EPB41L4B: variants seen among roughly 807,000 people sequenced by gnomAD.
The protein encoded by EPB41L4B is band 4.1-like protein 4B.
EPB41L4B carries 30 observed loss-of-function variants against 112.5 expected under a neutral mutation model. That is an observed-to-expected ratio of 0.27 (90% CI 0.20 to 0.36). The LOEUF is 0.36. EPB41L4B is among the 10% of genes least tolerant of loss of function. EPB41L4B has a pLI of 1.00. For missense variants in EPB41L4B, 1,024 were observed against 1,133.3 expected, an observed-to-expected ratio of 0.90 and a Z score of 1.38; for synonymous variants, 408 against 439.7, an observed-to-expected ratio of 0.93 and a Z score of 0.90.
intron 1 of EPB41L4B, among the ~76,000 whole-genome samples, chr9:109,311,540 T>G (rs1332143746): frequency 6.6e-6 from 1 of 152,172 alleles, no homozygotes; most frequent in Non-Finnish European, 1.5e-5. Flanking sequence ...CATCTTCCAG[T>G]TCTTGGCTTC....
At chr9:109,190,815 A>G (rs1234487850) in intron 22 of EPB41L4B, among the ~76,000 whole-genome samples, 1 of 152,228 alleles carries the variant, frequency 6.6e-6, no homozygotes, top group East Asian at 1.9e-4. Context: ...GATGGTCCCA[A>G]GGCATTGTTC....
intron 1 of EPB41L4B, among the ~76,000 whole-genome samples, chr9:109,294,091 G>GAGATCTCCTGA (rs1319696244): frequency 1.3e-5 from 2 of 152,064 alleles, no homozygotes; most frequent in Non-Finnish European, 2.9e-5. Context: ...CAGATCACGA[G>GAGATCTCCTGA]GTCAGGAGAT....
At chr9:109,252,007 A>G (rs1834806398) in intron 12 of EPB41L4B, among the ~76,000 whole-genome samples, 1 of 152,240 alleles carries the variant, frequency 6.6e-6, no homozygotes, top group Non-Finnish European at 1.5e-5. Context: ...AATCATTAAA[A>G]GCTTGACAAA....
intron 24 of EPB41L4B, 62 bp from the exon 25 acceptor site, chr9:109,176,758 G>A (rs550234663): frequency 6.3e-7 from 1 of 1,586,124 alleles, no homozygotes; most frequent in East Asian, 2.2e-5. Context: ...CACACTGTCA[G>A]TTGCTCCCTA....
chr9:109,299,930 A>G (rs1420203146), intron 1 of EPB41L4B, among the ~76,000 whole-genome samples: 1 of 152,224 alleles, frequency 6.6e-6, no homozygotes, highest in African/African-American at 2.4e-5. Flanking sequence ...TGCAGCTATG[A>G]ACAAAGACAC....
chr9:109,192,855 G>A (rs536568175), intron 21 of EPB41L4B, among the ~76,000 whole-genome samples: 2 of 152,212 alleles, frequency 1.3e-5, no homozygotes, highest in East Asian at 3.9e-4. Flanking sequence ...GGATGGCCTC[G>A]AGGTCTTTTA....
At chr9:109,204,635 G>T (rs1832936470) in intron 18 of EPB41L4B, among the ~76,000 whole-genome samples, 1 of 152,094 alleles carries the variant, frequency 6.6e-6, no homozygotes, top group Non-Finnish European at 1.5e-5. Context: ...GGGACTACAG[G>T]CTCAAACCAC....
At position 109,173,850 on chromosome 9, in the gene EPB41L4B, T is replaced by C. The variant is rs1355430631; in HGVS notation, c.*704A>G. The C allele has an allele frequency of 6.6e-6, 1 of 152,436 alleles. No homozygotes were observed. Among genetic ancestry groups the C allele is most frequent in the Non-Finnish European group, 1.5e-5 (1 of 68,042 alleles). The allele number at this position is 152,436 out of a possible 1,614,324, so 9.4% of individuals were successfully genotyped here. A position where few individuals can be genotyped will look rare whatever the true frequency, so the allele number is the denominator to read the frequency against. On this transcript the variant is annotated 3_prime_UTR_variant, in exon 26 of 26. Transcript: ENST00000374566. ...ACTTTAGAAATAATTTTCTGAATCT[T>C]CTTGATATTGAATCATCTTAACCTT...
chr9:109,245,721 C>A (rs368738382), intron 14 of EPB41L4B, among the ~76,000 whole-genome samples: 1 of 152,316 alleles, frequency 6.6e-6, no homozygotes, highest in African/African-American at 2.4e-5. Context: ...ATACCCTTCA[C>A]GGTATTCACA....
intron 16 of EPB41L4B, among the ~76,000 whole-genome samples, chr9:109,215,248 G>A (rs559674488): frequency 5.8e-4 from 89 of 152,232 alleles, no homozygotes; most frequent in African/African-American, 2.1e-3. Flanking sequence ...GTAAGAGCTA[G>A]AATCGAAGCC....
In EPB41L4B at chr9:109,320,176, G is replaced by C; in HGVS notation, c.271C>G (p.Leu91Val). ...AKATLYCRVF[L>V]LDGTEVSVDL... ...ACGCTCACTTCGGTCCCGTCGAGCA[G>C]GAAGACGCGGCAGTAGAGGGTGGCC... The change falls in exon 1 of 26, where the codon CTG becomes GTG. Residue 91 changes from leucine to valine, a missense_variant. Transcript: ENST00000374566. 2.0e-6 allele frequency: 3 copies of C among 1,485,656 alleles called. No individual in the cohort carries two copies. Among genetic ancestry groups the C allele is most frequent in the Middle Eastern group, 1.8e-4 (1 of 5,588 alleles). The allele number at this position is 1,485,656 out of a possible 1,614,324, so 92.0% of individuals were successfully genotyped here.
At chr9:109,263,911 A>G (rs930545815) in intron 5 of EPB41L4B, among the ~76,000 whole-genome samples, 5 of 152,228 alleles carry the variant, frequency 3.3e-5, no homozygotes, top group Admixed American at 2.6e-4. Flanking sequence ...AAAGCAGGCT[A>G]AACTGCATGT....
chr9:109,258,163 T>A lies in EPB41L4B; in HGVS notation c.752+14A>T. On this transcript the variant is annotated intron_variant, in intron 7 of 25. Transcript: ENST00000374566. ...ATAGATACATCAGAATGCTAGACGG[T>A]TGCATCAAGGTACCTGCACTCTTTC... is the stretch of plus-strand genomic sequence containing the variant. The A allele has an allele frequency of 6.2e-7, 1 of 1,607,692 alleles. No individual in the cohort carries two copies. The highest frequency in any genetic ancestry group is 8.5e-7 in the Non-Finnish European group (1 of 1,175,214).
intron 15 of EPB41L4B, among the ~76,000 whole-genome samples, chr9:109,226,685 AAT>A (rs1184832242): frequency 6.1e-5 from 4 of 65,184 alleles, no homozygotes; most frequent in African/African-American, 2.4e-4. Context: ...ATATATGAAG[AAT>A]ATATATATGA....
At chr9:109,248,495 C>A (rs1834644698) in intron 13 of EPB41L4B, among the ~76,000 whole-genome samples, 1 of 152,206 alleles carries the variant, frequency 6.6e-6, no homozygotes, top group African/African-American at 2.4e-5. Context: ...GGAGCCAGGG[C>A]TAGAATCAAC....
chr9:109,307,807 G>A (rs1282140085), intron 1 of EPB41L4B, among the ~76,000 whole-genome samples: 1 of 151,540 alleles, frequency 6.6e-6, no homozygotes, highest in African/African-American at 2.4e-5. Context: ...CCAGGGTTGA[G>A]AACCCTGGTC....
At chr9:109,302,681 G>T (rs553945605) in intron 1 of EPB41L4B, among the ~76,000 whole-genome samples, 6 of 151,952 alleles carry the variant, frequency 3.9e-5, no homozygotes, top group African/African-American at 1.2e-4. Flanking sequence ...AAGATCCAAC[G>T]TTCTCCACAG....
At chr9:109,256,114 A>G (rs753054796) in intron 9 of EPB41L4B, 22 bp downstream of exon 9, 1 of 1,588,812 alleles carries the variant, frequency 6.3e-7, no homozygotes, top group Non-Finnish European at 8.6e-7. Context: ...GACATTTTTA[A>G]TATTAGACAA....
chr9:109,246,051 T>C (rs1345439094), intron 14 of EPB41L4B, among the ~76,000 whole-genome samples: 2 of 152,132 alleles, frequency 1.3e-5, no homozygotes, highest in Non-Finnish European at 2.9e-5. Flanking sequence ...CTCTACAACT[T>C]TTCAGTTACT....
Sources: gnomAD v4.1 joint callset for allele counts (sites outside exome capture counted in the v4.1 genomes callset) on GRCh38, gnomAD v4.1.1 for gene constraint, MANE v1.5 for transcripts, NCBI Gene and HGNC (gene_info 2026-07-23, HGNC 2026-07-21) for gene names.